The following LCLAT1 variants were observed in gnomAD, a reference collection of about 807,000 sequenced individuals.
LCLAT1 encodes the protein lysocardiolipin acyltransferase 1, also known as 1-AGP acyltransferase 8.
In LCLAT1, 11 loss-of-function variants were observed where a neutral mutation model predicts 30.7. That is an observed-to-expected ratio of 0.36 (90% CI 0.23 to 0.59). The LOEUF (loss-of-function observed/expected upper bound fraction) is 0.59, where lower values mean the gene tolerates loss of function less well. LCLAT1 is among the 20% of genes least tolerant of loss of function. The pLI, the probability that LCLAT1 is intolerant of heterozygous loss-of-function variation, is 0.77. For synonymous variants in LCLAT1, 155 were observed against 151.3 expected (o/e 1.02, Z -0.18); for missense variants, 402 against 458.6 (o/e 0.88, Z 1.13).
intron 1 of LCLAT1, among the ~76,000 whole-genome samples, chr2:30,467,739 T>C (rs1375191354): frequency 6.6e-6 from 1 of 152,266 alleles, no homozygotes; most frequent in Non-Finnish European, 1.5e-5. Context: ...ATGTCTTCTT[T>C]TGAGAAGTGT....
At chr2:30,636,835 G>T (rs1669052535) in intron 5 of LCLAT1, among the ~76,000 whole-genome samples, 1 of 152,206 alleles carries the variant, frequency 6.6e-6, no homozygotes, top group South Asian at 2.1e-4. Flanking sequence ...GCTGGGCCAT[G>T]TGAATGAGCT....
intron 1 of LCLAT1, among the ~76,000 whole-genome samples, chr2:30,519,242 C>A (rs186353354): frequency 6.6e-6 from 1 of 152,286 alleles, no homozygotes; most frequent in Admixed American, 6.5e-5. Context: ...TTAAGTTTGT[C>A]TCTTCCAGAA....
At chr2:30,491,649 A>G (rs1683836948) in intron 1 of LCLAT1, among the ~76,000 whole-genome samples, 1 of 152,218 alleles carries the variant, frequency 6.6e-6, no homozygotes, top group Non-Finnish European at 1.5e-5. Context: ...ACCAGCTTGT[A>G]CTTATATTTT....
At chr2:30,494,237 A>G (rs890948872) in intron 1 of LCLAT1, among the ~76,000 whole-genome samples, 4 of 152,106 alleles carry the variant, frequency 2.6e-5, no homozygotes, top group African/African-American at 9.7e-5. Flanking sequence ...CCAAAAAACA[A>G]AAAGACCAAA....
chr2:30,518,921 C>G (rs60449073), intron 1 of LCLAT1, among the ~76,000 whole-genome samples: 3,550 of 152,328 alleles, frequency 0.023, 128 homozygotes, highest in African/African-American at 0.079. Flanking sequence ...CTTGGACACT[C>G]TTGTCCTTTG....
At chr2:30,493,941 T>G (rs1683969491) in intron 1 of LCLAT1, among the ~76,000 whole-genome samples, 1 of 152,138 alleles carries the variant, frequency 6.6e-6, no homozygotes, top group Non-Finnish European at 1.5e-5. Context: ...TCTCTTGAGG[T>G]CAGGCGTTCA....
chr2:30,517,951 AC>A (rs1297016821), intron 1 of LCLAT1, among the ~76,000 whole-genome samples: 3 of 152,152 alleles, frequency 2.0e-5, no homozygotes, highest in African/African-American at 7.2e-5. Context: ...GCCACTGACA[AC>A]CCGTAGCCTT....
chr2:30,502,023 G>A (rs1423981963), intron 1 of LCLAT1, among the ~76,000 whole-genome samples: 1 of 152,084 alleles, frequency 6.6e-6, no homozygotes, highest in Non-Finnish European at 1.5e-5. Context: ...GATGTTGCTG[G>A]GATATTTTTT....
intron 1 of LCLAT1, among the ~76,000 whole-genome samples, chr2:30,458,363 GGTGGAT>G (rs893679032): frequency 1.3e-5 from 2 of 152,150 alleles, no homozygotes; most frequent in African/African-American, 4.8e-5. Flanking sequence ...CAATTTGGAG[GGTGGAT>G]CTTGATAGAC....
At chr2:30,627,472 G>A (rs937995172) in intron 5 of LCLAT1, among the ~76,000 whole-genome samples, 4 of 152,038 alleles carry the variant, frequency 2.6e-5, no homozygotes, top group East Asian at 1.9e-4. Context: ...TGTTATGTTC[G>A]CAGGCTAGCT....
intron 5 of LCLAT1, among the ~76,000 whole-genome samples, chr2:30,636,681 CATG>C (rs1669042353): frequency 6.6e-6 from 1 of 152,106 alleles, no homozygotes; most frequent in Non-Finnish European, 1.5e-5. Context: ...CACAGACACA[CATG>C]GTACACACAC....
At chr2:30,500,117 C>T (rs1305359416) in intron 1 of LCLAT1, among the ~76,000 whole-genome samples, 1 of 152,042 alleles carries the variant, frequency 6.6e-6, no homozygotes, top group Non-Finnish European at 1.5e-5. Context: ...ACACCGAATT[C>T]CATGGTTGAT....
intron 1 of LCLAT1, among the ~76,000 whole-genome samples, chr2:30,458,400 A>G (rs1681938109): frequency 6.6e-6 from 1 of 152,188 alleles, no homozygotes; most frequent in African/African-American, 2.4e-5. Context: ...AGTGCTGCCA[A>G]GGACCTTGGT....
At chr2:30,536,195 G>A (rs997416550) in intron 3 of LCLAT1, among the ~76,000 whole-genome samples, 5 of 152,108 alleles carry the variant, frequency 3.3e-5, no homozygotes, top group South Asian at 4.1e-4. Flanking sequence ...TGGAGAAGAC[G>A]AGGTGAAAAA....
intron 5 of LCLAT1, among the ~76,000 whole-genome samples, chr2:30,577,005 A>C (rs892998339): frequency 6.6e-6 from 1 of 151,600 alleles, no homozygotes; most frequent in African/African-American, 2.4e-5. Context: ...TTGTTTACTT[A>C]TTAATGTTGA....
chr2:30,453,495 T>C (rs1294667002), intron 1 of LCLAT1, among the ~76,000 whole-genome samples: 1 of 152,144 alleles, frequency 6.6e-6, no homozygotes, highest in Non-Finnish European at 1.5e-5. Context: ...TAAATGAAAA[T>C]TTACCTGTGT....
At chr2:30,481,537 C>T (rs1035520073) in intron 1 of LCLAT1, among the ~76,000 whole-genome samples, 1 of 152,040 alleles carries the variant, frequency 6.6e-6, no homozygotes, top group Non-Finnish European at 1.5e-5. Context: ...AGTGTTGTCA[C>T]AAAAGCCAAG....
intron 5 of LCLAT1, among the ~76,000 whole-genome samples, chr2:30,579,240 TTAA>T (rs1314484244): frequency 2.0e-5 from 3 of 152,128 alleles, no homozygotes; most frequent in Admixed American, 6.5e-5. Flanking sequence ...ACTTGATAGA[TTAA>T]TAGAGTTTAG....
chr2:30,637,095 G>A (rs539819056), intron 5 of LCLAT1, among the ~76,000 whole-genome samples: 52 of 152,314 alleles, frequency 3.4e-4, no homozygotes, highest in African/African-American at 1.3e-3. Flanking sequence ...GGCATGACAA[G>A]TTACAAGAGG....
Sources: gnomAD v4.1 joint callset for allele counts (sites outside exome capture counted in the v4.1 genomes callset) on GRCh38, gnomAD v4.1.1 for gene constraint, MANE v1.5 for transcripts, NCBI Gene and HGNC (gene_info 2026-07-23, HGNC 2026-07-21) for gene names.